Variants in TMEM132C observed in about 807,000 individuals in gnomAD.
TMEM132C encodes protein phosphatase 1, regulatory subunit 152.
Under a neutral mutation model 61.4 loss-of-function variants are expected in TMEM132C, and 29 were observed. The observed-to-expected ratio is 0.47, with a 90% CI of 0.35 to 0.64. TMEM132C has a LOEUF of 0.64. TMEM132C is among the 30% of genes least tolerant of loss of function. The probability of loss-of-function intolerance (pLI) is 0.00; values close to 1 mark genes in which losing one functional copy is unlikely to be tolerated. For synonymous variants in TMEM132C, 656 were observed against 633.1 expected, an observed-to-expected ratio of 1.04 and a Z score of -0.54; for missense variants, 1,408 against 1,476.9, an observed-to-expected ratio of 0.95 and a Z score of 0.76.
At chr12:128,646,479 A>G (rs567897288) in intron 4 of TMEM132C, among the ~76,000 whole-genome samples, 10 of 143,786 alleles carry the variant, frequency 7.0e-5, no homozygotes, top group Non-Finnish European at 1.5e-4. Flanking sequence ...ACTGGAGTCC[A>G]TCAGCGCTGG....
intron 1 of TMEM132C, among the ~76,000 whole-genome samples, chr12:128,368,361 A>G (rs1329182014): frequency 6.6e-6 from 1 of 152,206 alleles, no homozygotes. Context: ...CCAAACAAAC[A>G]TGCTTGAATC....
chr12:128,643,726 G>A (rs1379476496), intron 4 of TMEM132C, among the ~76,000 whole-genome samples: 1 of 152,160 alleles, frequency 6.6e-6, no homozygotes, highest in Non-Finnish European at 1.5e-5. Flanking sequence ...TGTTTGCTAC[G>A]TCAAGCTGCT....
chr12:128,625,211 A>G (rs10847659), intron 4 of TMEM132C, among the ~76,000 whole-genome samples: 20,888 of 152,246 alleles, frequency 0.14, 1,694 homozygotes, highest in African/African-American at 0.22. Flanking sequence ...TCCAGCTGCT[A>G]TAACAAAATG....
intron 1 of TMEM132C, among the ~76,000 whole-genome samples, chr12:128,387,157 A>T (rs935120567): frequency 2.6e-5 from 4 of 151,812 alleles, no homozygotes; most frequent in African/African-American, 9.7e-5. Context: ...AAAAAAAAAA[A>T]AAAAGAAACT....
At chr12:128,663,998 A>C (rs542008701) in intron 4 of TMEM132C, among the ~76,000 whole-genome samples, 1 of 147,058 alleles carries the variant, frequency 6.8e-6, no homozygotes, top group South Asian at 2.2e-4. Flanking sequence ...GCGGGCACTC[A>C]CACAGGCACA....
Position 128,401,792 on chromosome 12 carries a change from T to C in TMEM132C, c.86-12940T>C, listed in dbSNP as rs185407206. On this transcript the variant is annotated intron_variant, in intron 1 of 8. Transcript: ENST00000435159. Reference sequence around the variant, plus strand: ...GCAGAATCTGGGCAATTCTTTGTGGTTGTAGAACAGTCTCGTGCTGTGCAG... The same window carrying C: ...GCAGAATCTGGGCAATTCTTTGTGGCTGTAGAACAGTCTCGTGCTGTGCAG... Among the ~76,000 whole-genome samples, 807 of 152,292 alleles carry C rather than the reference T, an allele frequency of 5.3e-3. 5 individuals are homozygous for C. Among genetic ancestry groups the C allele is most frequent in the Non-Finnish European group, 6.3e-3 (428 of 68,028 alleles).
chr12:128,322,286 T>A (rs922698103), intron 1 of TMEM132C, among the ~76,000 whole-genome samples: 5 of 152,210 alleles, frequency 3.3e-5, no homozygotes, highest in African/African-American at 4.8e-5. Flanking sequence ...ACTCTGCTGC[T>A]AGATGTGAGT....
chr12:128,501,107 T>C (rs550347532), intron 2 of TMEM132C, among the ~76,000 whole-genome samples: 1 of 152,322 alleles, frequency 6.6e-6, no homozygotes, highest in Non-Finnish European at 1.5e-5. Flanking sequence ...GTATGACTTC[T>C]CACCTTCCCT....
At chr12:128,335,249 T>A (rs972777172) in intron 1 of TMEM132C, among the ~76,000 whole-genome samples, 5 of 152,214 alleles carry the variant, frequency 3.3e-5, no homozygotes, top group African/African-American at 1.2e-4. Flanking sequence ...GATTTATGAT[T>A]TTTGGGTAAT....
At chr12:128,359,007 C>T (rs1453391383) in intron 1 of TMEM132C, among the ~76,000 whole-genome samples, 1 of 152,182 alleles carries the variant, frequency 6.6e-6, no homozygotes, top group Non-Finnish European at 1.5e-5. Context: ...TCAACACATC[C>T]AGTGCTCCCA....
At position 128,415,164 on chromosome 12, in the gene TMEM132C, T is replaced by A. The variant is rs1488948244; in HGVS notation, c.518T>A (p.Phe173Tyr). ...GAGAAGCTGCCATGCCTGAGGGTCT[T>A]TGCTTTCCGAGAAACCAGAGAGGTG... The part of the protein sequence containing the change: ...AGEKLPCLRV[F>Y]AFRETREVRG... The change falls in exon 2 of 9, where the codon TTT (phenylalanine) becomes TAT (tyrosine). Residue 173 changes from phenylalanine to tyrosine, a missense_variant. Physicochemically the swap from Phe to Tyr is conservative, Grantham distance 22. Transcript: ENST00000435159. This position sits in a 1 kb window ranked among gnomAD's most constrained non-coding sequence, Gnocchi z 5.8. The A allele has an allele frequency of 6.2e-7, 1 of 1,610,938 alleles. No individual in the cohort carries two copies. Among genetic ancestry groups the A allele is most frequent in the East Asian group, 2.2e-5 (1 of 44,706 alleles).
rs1205803794 is a variant in TMEM132C, at chr12:128,459,308, G to C, written c.974+43688G>C. Among the ~76,000 whole-genome samples the C allele has an allele frequency of 3.3e-5, 5 of 152,304 alleles. No individual in the cohort carries two copies. The East Asian group carries it at 9.7e-4, about 29-fold the overall frequency. On this transcript the variant is annotated intron_variant, in intron 2 of 8. Coordinates refer to ENST00000435159, the MANE Select transcript of TMEM132C (RefSeq NM_001136103.3). ...CCAGAGTCTTTGTTCTGCACTGCTGGCCATATGAAAGCCTCCCTCAGGAGC... is the reference window on the plus strand; with the variant it reads ...CCAGAGTCTTTGTTCTGCACTGCTGCCCATATGAAAGCCTCCCTCAGGAGC...
At chr12:128,291,941 C>T (rs560451000) in intron 1 of TMEM132C, among the ~76,000 whole-genome samples, 2 of 152,188 alleles carry the variant, frequency 1.3e-5, no homozygotes, top group East Asian at 1.9e-4. Context: ...GCAGCTTCTG[C>T]GCACTGTGTC....
intron 1 of TMEM132C, among the ~76,000 whole-genome samples, chr12:128,322,840 T>C (rs7974528): frequency 0.32 from 49,254 of 152,136 alleles, 8,969 homozygotes; most frequent in Non-Finnish European, 0.41. Context: ...TTAACCATGC[T>C]CTTCTGTCCA....
chr12:128,573,767 T>A (rs1260161153), intron 3 of TMEM132C, among the ~76,000 whole-genome samples: 2 of 152,070 alleles, frequency 1.3e-5, no homozygotes, highest in Non-Finnish European at 2.9e-5. Flanking sequence ...AAAAAGTTCT[T>A]GAGGCAGATG....
At chr12:128,523,341 A>G (rs1235354166) in intron 2 of TMEM132C, among the ~76,000 whole-genome samples, 1 of 152,180 alleles carries the variant, frequency 6.6e-6, no homozygotes, top group Non-Finnish European at 1.5e-5. Context: ...ATGGATGGTG[A>G]TGATGGTCTT....
chr12:128,471,414 C>T (rs1870947866), intron 2 of TMEM132C, among the ~76,000 whole-genome samples: 1 of 152,076 alleles, frequency 6.6e-6, no homozygotes, highest in Admixed American at 6.5e-5. Flanking sequence ...CAATTATGGC[C>T]CACGACCTCC....
chr12:128,539,721 T>G (rs559486309), intron 2 of TMEM132C, among the ~76,000 whole-genome samples: 2 of 152,302 alleles, frequency 1.3e-5, no homozygotes, highest in Admixed American at 1.3e-4. Context: ...AGACATTTTT[T>G]ATTGTCTTCT....
chr12:128,525,166 T>A (rs1873041066), intron 2 of TMEM132C, among the ~76,000 whole-genome samples: 1 of 152,162 alleles, frequency 6.6e-6, no homozygotes, highest in Admixed American at 6.5e-5. Context: ...AGAGGATGAA[T>A]CATGATTGGT....
Sources: allele counts gnomAD v4.1 joint callset (sites outside exome capture counted in the v4.1 genomes callset), GRCh38; gene constraint gnomAD v4.1.1; non-coding constraint Gnocchi (gnomAD v3.1); transcripts MANE v1.5; gene names NCBI Gene and HGNC (gene_info 2026-07-23, HGNC 2026-07-21).